Variants in LRRC69 observed in about 807,000 individuals in gnomAD.
LRRC69 encodes the protein leucine rich repeat containing 69.
In LRRC69, 42 loss-of-function variants were observed where a neutral mutation model predicts 37.8. That is an observed-to-expected ratio of 1.11 (90% CI 0.87 to 1.44). The LOEUF (loss-of-function observed/expected upper bound fraction) is 1.44, where lower values mean the gene tolerates loss of function less well. LRRC69 is among the 40% of genes most tolerant of loss of function. The pLI, the probability that LRRC69 is intolerant of heterozygous loss-of-function variation, is 0.00. For synonymous variants in LRRC69, 141 were observed against 143.1 expected (o/e 0.99, Z 0.11); for missense variants, 357 against 401.9 (o/e 0.89, Z 0.96).
intron 5 of LRRC69, among the ~76,000 whole-genome samples, chr8:91,141,883 A>G (rs187979122): frequency 2.4e-4 from 36 of 152,120 alleles, no homozygotes; most frequent in African/African-American, 8.2e-4. Flanking sequence ...TGGGGAAAGA[A>G]AAAACATTAT....
At chr8:91,169,695 C>G (rs1809093327) in intron 5 of LRRC69, among the ~76,000 whole-genome samples, 1 of 121,010 alleles carries the variant, frequency 8.3e-6, no homozygotes, top group Non-Finnish European at 1.6e-5. Context: ...CACAACAGTC[C>G]CCAGAGTGTG....
intron 5 of LRRC69, among the ~76,000 whole-genome samples, chr8:91,161,737 T>A (rs1808949077): frequency 1.3e-5 from 2 of 151,320 alleles, no homozygotes; most frequent in African/African-American, 4.8e-5. Context: ...TTTTTAAATT[T>A]GCTTTTTATT....
intron 5 of LRRC69, among the ~76,000 whole-genome samples, chr8:91,137,187 T>G (rs1219992038): frequency 6.6e-6 from 1 of 152,042 alleles, no homozygotes; most frequent in East Asian, 1.9e-4. Flanking sequence ...TTGTTAATAT[T>G]GACCTTGAAA....
At chr8:91,189,712 C>T in intron 6 of LRRC69, 89 bp downstream of exon 6, 1 of 842,594 alleles carries the variant, frequency 1.2e-6, no homozygotes, top group Non-Finnish European at 1.8e-6. Flanking sequence ...TCTTGCCAAG[C>T]CAGCAAATGA....
chr8:91,189,051 A>G (rs990385333), intron 5 of LRRC69, among the ~76,000 whole-genome samples: 1 of 152,054 alleles, frequency 6.6e-6, no homozygotes, highest in African/African-American at 2.4e-5. Flanking sequence ...GAACATTTTG[A>G]TGTTCTTTTA....
chr8:91,133,373 T>C, intron 4 of LRRC69, 68 bp downstream of exon 4: 2 of 1,218,512 alleles, frequency 1.6e-6, no homozygotes, highest in East Asian at 2.8e-5. Context: ...GAGGTGGTTA[T>C]AGATTAGATT....
chr8:91,138,361 C>T lies in LRRC69; in HGVS notation c.651+2622C>T, dbSNP rs188715195. Among the ~76,000 whole-genome samples the T allele has an allele frequency of 9.2e-5, 14 of 151,840 alleles. 1 individual carries two copies. The highest frequency in any genetic ancestry group is 2.9e-4 in the African/African-American group (12 of 41,494). On this transcript the variant is annotated intron_variant, in intron 5 of 7. Transcript: ENST00000448384. ...AAAAGCAAAATAAAGCTCTGTGTACCCATTACTTTTAAGTGTACTCTTAAC... is the reference window on the plus strand; with the variant it reads ...AAAAGCAAAATAAAGCTCTGTGTACTCATTACTTTTAAGTGTACTCTTAAC...
chr8:91,146,820 C>G (rs1808627117), intron 5 of LRRC69, among the ~76,000 whole-genome samples: 1 of 151,774 alleles, frequency 6.6e-6, no homozygotes, highest in East Asian at 1.9e-4. Flanking sequence ...AGCCCTCCCT[C>G]CATGTCCCAG....
chr8:91,127,209 A>T (rs1428458388), intron 3 of LRRC69, 49 bp downstream of exon 3: 2 of 1,324,540 alleles, frequency 1.5e-6, no homozygotes, highest in African/African-American at 3.0e-5. Context: ...CCCCTCCTCT[A>T]TCCCCACCCT....
intron 5 of LRRC69, among the ~76,000 whole-genome samples, chr8:91,156,293 G>T (rs1305152904): frequency 6.6e-6 from 1 of 151,034 alleles, no homozygotes; most frequent in Non-Finnish European, 1.5e-5. Flanking sequence ...TCTTACTGTG[G>T]TTTAGATTTG....
chr8:91,130,097 T>C (rs1406783432), intron 3 of LRRC69, among the ~76,000 whole-genome samples: 3 of 152,008 alleles, frequency 2.0e-5, no homozygotes, highest in Non-Finnish European at 4.4e-5. Flanking sequence ...TTACCTCTCA[T>C]AAGCAATCAA....
intron 1 of LRRC69, among the ~76,000 whole-genome samples, chr8:91,115,174 A>C (rs187091702): frequency 5.3e-5 from 8 of 152,158 alleles, no homozygotes; most frequent in African/African-American, 1.7e-4. Flanking sequence ...AAATTTGCTC[A>C]AGGGGTAGAT....
chr8:91,188,096 G>GT (rs747743031), intron 5 of LRRC69, among the ~76,000 whole-genome samples: 2 of 152,124 alleles, frequency 1.3e-5, no homozygotes, highest in Non-Finnish European at 2.9e-5. Flanking sequence ...TCAACTCTAG[G>GT]TTGTACCCAT....
intron 1 of LRRC69, among the ~76,000 whole-genome samples, chr8:91,104,757 A>G (rs186092175): frequency 2.6e-5 from 4 of 151,938 alleles, no homozygotes; most frequent in Admixed American, 2.0e-4. Context: ...TTGCTCTCTT[A>G]GTTTTTCAGG....
intron 1 of LRRC69, among the ~76,000 whole-genome samples, chr8:91,115,281 G>T (rs940228793): frequency 6.6e-6 from 1 of 151,996 alleles, no homozygotes; most frequent in Non-Finnish European, 1.5e-5. Context: ...AATAGGATGA[G>T]ATTTTCTTTT....
chr8:91,142,781 G>A (rs1357721624), intron 5 of LRRC69, among the ~76,000 whole-genome samples: 2 of 152,006 alleles, frequency 1.3e-5, no homozygotes, highest in African/African-American at 2.4e-5. Flanking sequence ...ACACTGTCAG[G>A]ACTCCTTCTG....
At chr8:91,153,862 T>G (rs1012280076) in intron 5 of LRRC69, among the ~76,000 whole-genome samples, 1 of 151,180 alleles carries the variant, frequency 6.6e-6, no homozygotes. Context: ...ATAACTAAGA[T>G]CAGAGCAGAA....
At chr8:91,172,395 A>G (rs565535242) in intron 5 of LRRC69, among the ~76,000 whole-genome samples, 1 of 152,164 alleles carries the variant, frequency 6.6e-6, no homozygotes, top group Admixed American at 6.5e-5. Flanking sequence ...ATTGGTTATT[A>G]TCACTTCTTT....
At chr8:91,135,549 A>G in intron 4 of LRRC69, 119 bp from the exon 5 acceptor site, 1 of 598,166 alleles carries the variant, frequency 1.7e-6, no homozygotes, top group Non-Finnish European at 2.9e-6. Context: ...ATTGGTCAGT[A>G]CAGTGATTAG....
Sources: gnomAD v4.1 joint callset for allele counts (sites outside exome capture counted in the v4.1 genomes callset) on GRCh38, gnomAD v4.1.1 for gene constraint, MANE v1.5 for transcripts, NCBI Gene and HGNC (gene_info 2026-07-23, HGNC 2026-07-21) for gene names.